SGCZ: variants seen among roughly 807,000 people sequenced by gnomAD.
The protein encoded by SGCZ is sarcoglycan zeta.
A neutral mutation model predicts 41.3 loss-of-function variants in SGCZ; 40 were observed. That is an observed-to-expected ratio of 0.97 (90% confidence interval 0.75 to 1.26). The LOEUF (loss-of-function observed/expected upper bound fraction) is 1.26, where lower values mean the gene tolerates loss of function less well. Ranked by LOEUF, SGCZ falls within the 50% of genes most tolerant of loss-of-function variation. The pLI is 0.00. For synonymous variants in SGCZ, 206 were observed against 137.5 expected (o/e 1.50, Z -3.49); for missense variants, 552 against 369.8 (o/e 1.49, Z -4.04).
intron 2 of SGCZ, among the ~76,000 whole-genome samples, chr8:14,377,981 A>T (rs993588197): frequency 6.7e-6 from 1 of 150,014 alleles, no homozygotes; most frequent in African/African-American, 2.5e-5. Flanking sequence ...ATAGTGCCGC[A>T]ATAAACATAC....
chr8:14,988,061 G>C (rs1801884360), intron 1 of SGCZ, among the ~76,000 whole-genome samples: 1 of 151,954 alleles, frequency 6.6e-6, no homozygotes, highest in African/African-American at 2.4e-5. Flanking sequence ...GGTATAACCA[G>C]ATAGGCCCTG....
intron 1 of SGCZ, among the ~76,000 whole-genome samples, chr8:14,556,986 T>A (rs1376545751): frequency 1.3e-5 from 2 of 152,056 alleles, no homozygotes; most frequent in Non-Finnish European, 2.9e-5. Flanking sequence ...AGTTCTACAT[T>A]TAATTATTTC....
intron 1 of SGCZ, among the ~76,000 whole-genome samples, chr8:14,875,311 T>C (rs1804310858): frequency 6.6e-6 from 1 of 152,172 alleles, no homozygotes; most frequent in Non-Finnish European, 1.5e-5. Flanking sequence ...AACCCATTAA[T>C]GAGGACAAAG....
chr8:14,843,746 C>T (rs112743929), intron 1 of SGCZ, among the ~76,000 whole-genome samples: 3 of 152,068 alleles, frequency 2.0e-5, no homozygotes, highest in African/African-American at 4.8e-5. Flanking sequence ...TAAAACACTG[C>T]CAAGAACTTC....
At chr8:14,338,000 C>G (rs1361013161) in intron 2 of SGCZ, among the ~76,000 whole-genome samples, 1 of 152,100 alleles carries the variant, frequency 6.6e-6, no homozygotes, top group Non-Finnish European at 1.5e-5. Context: ...TCCATGGAGG[C>G]TAAGAAAATG....
intron 1 of SGCZ, among the ~76,000 whole-genome samples, chr8:14,905,812 T>C (rs1585366722): frequency 1.3e-5 from 2 of 149,994 alleles, no homozygotes; most frequent in Non-Finnish European, 3.0e-5. Flanking sequence ...AAAAAAAAGG[T>C]AAATTTAAAA....
intron 2 of SGCZ, among the ~76,000 whole-genome samples, chr8:14,538,605 A>T (rs1803366315): frequency 6.6e-6 from 1 of 152,010 alleles, no homozygotes; most frequent in South Asian, 2.1e-4. Flanking sequence ...TGTTAGAAGA[A>T]TAATTATAAC....
At chr8:15,208,767 G>A (rs1585675764) in intron 1 of SGCZ, among the ~76,000 whole-genome samples, 2 of 151,908 alleles carry the variant, frequency 1.3e-5, no homozygotes, top group African/African-American at 4.8e-5. Context: ...GCCTCAGTTG[G>A]CTCACAAACT....
chr8:14,737,783 A>T (rs912254446), intron 1 of SGCZ, among the ~76,000 whole-genome samples: 1 of 152,026 alleles, frequency 6.6e-6, no homozygotes, highest in Non-Finnish European at 1.5e-5. Flanking sequence ...TAACTTAATC[A>T]TCTCTTTATA....
chr8:15,063,041 A>G (rs1196101128), intron 1 of SGCZ, among the ~76,000 whole-genome samples: 2 of 152,162 alleles, frequency 1.3e-5, no homozygotes, highest in Non-Finnish European at 2.9e-5. Flanking sequence ...TATATTTCCC[A>G]TATTTCACAT....
At chr8:14,879,438 T>G (rs1387814944) in intron 1 of SGCZ, 2 of 152,020 alleles carry the variant, frequency 1.3e-5, no homozygotes, top group Non-Finnish European at 2.9e-5. Context: ...TCACTAAAAA[T>G]ATATATAACT....
rs544011619 is a variant in SGCZ, at chr8:14,596,994, T to C, written c.40-42068A>G. Reference sequence around the variant, plus strand: ...GAACCCTGAAATCTAAGTAATGGTATAAGACTAGAAAATTGTGAACAACTC... The same window carrying C: ...GAACCCTGAAATCTAAGTAATGGTACAAGACTAGAAAATTGTGAACAACTC... On this transcript the variant is annotated intron_variant, in intron 1 of 7. Transcript: ENST00000382080. Among the ~76,000 whole-genome samples, 10 of 152,282 alleles carry C rather than the reference T, an allele frequency of 6.6e-5. No individual in the cohort carries two copies. The South Asian group carries it at 8.3e-4, about 13-fold the overall frequency.
At chr8:14,126,980 G>C (rs1802880952) in intron 5 of SGCZ, among the ~76,000 whole-genome samples, 1 of 151,986 alleles carries the variant, frequency 6.6e-6, no homozygotes. Context: ...GCCATCTGGG[G>C]GGTCAGGGGG....
chr8:14,930,003 T>G (rs1219466008), intron 1 of SGCZ, among the ~76,000 whole-genome samples: 5 of 152,022 alleles, frequency 3.3e-5, no homozygotes, highest in Admixed American at 6.5e-5. Flanking sequence ...AATCCTGACA[T>G]CCCTGAACTT....
intron 1 of SGCZ, among the ~76,000 whole-genome samples, chr8:15,012,448 G>T (rs1802857573): frequency 6.8e-6 from 1 of 146,576 alleles, no homozygotes; most frequent in Non-Finnish European, 1.5e-5. Flanking sequence ...GGGTGACACA[G>T]TAAGACTTTT....
chr8:14,913,225 T>C (rs1371274397), intron 1 of SGCZ, among the ~76,000 whole-genome samples: 1 of 152,106 alleles, frequency 6.6e-6, no homozygotes, highest in Non-Finnish European at 1.5e-5. Context: ...TTCAAAGACA[T>C]ATTTGCATGA....
intron 3 of SGCZ, among the ~76,000 whole-genome samples, chr8:14,270,533 CA>C (rs1466872478): frequency 2.0e-5 from 3 of 151,944 alleles, no homozygotes; most frequent in Admixed American, 6.6e-5. Flanking sequence ...AAGTATAAAA[CA>C]ATATTTCCAA....
intron 1 of SGCZ, among the ~76,000 whole-genome samples, chr8:14,619,834 A>T (rs1806225651): frequency 6.6e-6 from 1 of 152,208 alleles, no homozygotes; most frequent in Non-Finnish European, 1.5e-5. Flanking sequence ...ATGTACAGGA[A>T]GAATCAATAT....
chr8:15,216,764 C>A (rs1039012192), intron 1 of SGCZ, among the ~76,000 whole-genome samples: 1 of 151,954 alleles, frequency 6.6e-6, no homozygotes, highest in African/African-American at 2.4e-5. Context: ...GCAGCTGCAG[C>A]AGTGATGGAG....
Sources: allele counts gnomAD v4.1 joint callset (sites outside exome capture counted in the v4.1 genomes callset), GRCh38; gene constraint gnomAD v4.1.1; transcripts MANE v1.5; gene names NCBI Gene and HGNC (gene_info 2026-07-23, HGNC 2026-07-21).